RPS6KC1: variants seen among roughly 807,000 people sequenced by gnomAD.
RPS6KC1 encodes the protein inactive ribosomal protein S6 kinase delta-1.
In RPS6KC1, 54 loss-of-function variants were observed where a neutral mutation model predicts 103.8. That is an observed-to-expected ratio of 0.52 (90% CI 0.42 to 0.65). The LOEUF (loss-of-function observed/expected upper bound fraction) is 0.65, where lower values mean the gene tolerates loss of function less well. Ranked by LOEUF, RPS6KC1 falls within the 30% of genes least tolerant of loss-of-function variation. RPS6KC1 has a pLI of 0.00. For synonymous variants in RPS6KC1, 439 were observed against 438.7 expected, an observed-to-expected ratio of 1.00 and a Z score of -0.01; for missense variants, 1,151 against 1,253.8, an observed-to-expected ratio of 0.92 and a Z score of 1.24.
At chr1:213,520,209 A>T in the RPS6KC1 span, among the ~76,000 whole-genome samples, 1 of 152,188 alleles carries the variant, frequency 6.6e-6, no homozygotes, top group African/African-American at 2.4e-5. Context: ...GAAGAGGTTT[A>T]ATGGACTCAC....
the RPS6KC1 span, among the ~76,000 whole-genome samples, chr1:213,408,291 ACTG>A: frequency 6.6e-6 from 1 of 152,166 alleles, no homozygotes; most frequent in Non-Finnish European, 1.5e-5. Flanking sequence ...GCACCCCTTC[ACTG>A]CTGATGGGCA....
At chr1:213,132,248 A>G (rs540983317) in intron 6 of RPS6KC1, among the ~76,000 whole-genome samples, 18 of 152,360 alleles carry the variant, frequency 1.2e-4, no homozygotes, top group Middle Eastern at 3.4e-3. Flanking sequence ...TGAAAGCACA[A>G]TATCCATTCC....
chr1:213,732,878 C>T, the RPS6KC1 span, among the ~76,000 whole-genome samples: 14 of 152,212 alleles, frequency 9.2e-5, no homozygotes, highest in South Asian at 1.0e-3. Context: ...TTACCCCTCA[C>T]GTATAAGTGA....
chr1:213,448,642 C>T, the RPS6KC1 span, among the ~76,000 whole-genome samples: 15 of 151,986 alleles, frequency 9.9e-5, no homozygotes, highest in African/African-American at 3.1e-4. Context: ...CACACAGTCC[C>T]GCTTCTTCTT....
intron 6 of RPS6KC1, among the ~76,000 whole-genome samples, chr1:213,159,615 C>A (rs1053568884): frequency 1.3e-5 from 2 of 152,162 alleles, no homozygotes; most frequent in African/African-American, 4.8e-5. Context: ...GTTGTATGAA[C>A]AGTTTACAAA....
intron 8 of RPS6KC1, among the ~76,000 whole-genome samples, chr1:213,228,371 A>C (rs767369313): frequency 2.0e-5 from 3 of 152,196 alleles, no homozygotes; most frequent in Non-Finnish European, 4.4e-5. Context: ...AGAATGCCTT[A>C]TGTCCATAAG....
the RPS6KC1 span, among the ~76,000 whole-genome samples, chr1:213,304,200 C>T: frequency 1.1e-5 from 1 of 88,224 alleles, no homozygotes; most frequent in East Asian, 3.1e-4. Flanking sequence ...AGCGAGACTC[C>T]ATCTCAAAAA....
the RPS6KC1 span, among the ~76,000 whole-genome samples, chr1:213,386,601 G>A: frequency 6.6e-6 from 1 of 152,174 alleles, no homozygotes. Flanking sequence ...CTACATCCAG[G>A]AGGGATGCCG....
At chr1:213,132,017 C>CA (rs2085697206) in intron 6 of RPS6KC1, among the ~76,000 whole-genome samples, 1 of 152,060 alleles carries the variant, frequency 6.6e-6, no homozygotes, top group Non-Finnish European at 1.5e-5. Flanking sequence ...ATAATGTTAC[C>CA]ACTTGATGGC....
intron 5 of RPS6KC1, among the ~76,000 whole-genome samples, chr1:213,128,420 C>T (rs2085232019): frequency 6.6e-6 from 1 of 152,124 alleles, no homozygotes; most frequent in Admixed American, 6.6e-5. Context: ...TAAATATTCA[C>T]AGATACAATT....
At chr1:213,354,485 G>A in the RPS6KC1 span, among the ~76,000 whole-genome samples, 3 of 152,212 alleles carry the variant, frequency 2.0e-5, no homozygotes, top group Non-Finnish European at 2.9e-5. Flanking sequence ...TCAGGCTGAA[G>A]TGAACACTAA....
chr1:213,631,677 T>C, the RPS6KC1 span, among the ~76,000 whole-genome samples: 21 of 152,292 alleles, frequency 1.4e-4, no homozygotes, highest in South Asian at 4.1e-4. Context: ...AGCCTTCTAG[T>C]GTATTGATTT....
At chr1:213,821,287 A>G in the RPS6KC1 span, 1 of 152,330 alleles carries the variant, frequency 6.6e-6, no homozygotes, top group Non-Finnish European at 1.5e-5. Context: ...ATGACTAAGC[A>G]ATGAATGAAC....
the RPS6KC1 span, among the ~76,000 whole-genome samples, chr1:213,790,656 A>G: frequency 6.6e-6 from 1 of 152,164 alleles, no homozygotes; most frequent in Non-Finnish European, 1.5e-5. Flanking sequence ...CGTATCATCC[A>G]CTATCCAGGG....
At chr1:213,848,720 C>T in the RPS6KC1 span, among the ~76,000 whole-genome samples, 7 of 152,126 alleles carry the variant, frequency 4.6e-5, no homozygotes, top group Non-Finnish European at 7.4e-5. Flanking sequence ...GTCCACACTT[C>T]AATAACATAG....
At chr1:213,622,547 AC>A in the RPS6KC1 span, among the ~76,000 whole-genome samples, 1 of 151,742 alleles carries the variant, frequency 6.6e-6, no homozygotes, top group African/African-American at 2.4e-5. Context: ...TCCAGTGCCC[AC>A]TCAGCTGTTT....
At chr1:213,112,632 T>C (rs1005080287) in intron 4 of RPS6KC1, among the ~76,000 whole-genome samples, 7 of 152,032 alleles carry the variant, frequency 4.6e-5, no homozygotes, top group Non-Finnish European at 8.8e-5. Flanking sequence ...GTTACATATG[T>C]ATACATGTGC....
At chr1:213,682,639 T>A in the RPS6KC1 span, among the ~76,000 whole-genome samples, 2 of 152,254 alleles carry the variant, frequency 1.3e-5, no homozygotes, top group Admixed American at 1.3e-4. Flanking sequence ...ATCTCCTCAC[T>A]AGCATTATTA....
At chr1:213,845,695 GT>G in the RPS6KC1 span, among the ~76,000 whole-genome samples, 1 of 152,106 alleles carries the variant, frequency 6.6e-6, no homozygotes, top group South Asian at 2.1e-4. Context: ...ACCTACAAGA[GT>G]TTTGGCCCAC....
Sources: gnomAD v4.1 joint callset for allele counts (sites outside exome capture counted in the v4.1 genomes callset) on GRCh38, gnomAD v4.1.1 for gene constraint, MANE v1.5 for transcripts, NCBI Gene and HGNC (gene_info 2026-07-23, HGNC 2026-07-21) for gene names.